The following CHKA variants were observed in gnomAD, a reference collection of about 807,000 sequenced individuals.
CHKA encodes the protein CHETK-alpha.
In CHKA, 34 loss-of-function variants were observed where a neutral mutation model predicts 60.1. The ratio of observed to expected loss-of-function variants is 0.57; its 90% confidence interval spans 0.43 to 0.75. The LOEUF is 0.75. Among genes scored for constraint, CHKA ranks in the 30% least tolerant of loss-of-function variants. CHKA has a pLI of 0.00. For synonymous variants in CHKA, 217 were observed against 223.1 expected, an observed-to-expected ratio of 0.97 and a Z score of 0.24; for missense variants, 563 against 561.3, an observed-to-expected ratio of 1.00 and a Z score of -0.03.
chr11:68,068,806 T>C, intron 7 of CHKA, 73 bp downstream of exon 7: 1 of 999,886 alleles, frequency 1.0e-6, no homozygotes. Flanking sequence ...CCTTACATTT[T>C]TCAGACACAC....
intron 1 of CHKA, among the ~76,000 whole-genome samples, chr11:68,100,379 C>T (rs367656856): frequency 6.6e-6 from 1 of 152,230 alleles, no homozygotes; most frequent in African/African-American, 2.4e-5. Flanking sequence ...CACTTGAGGT[C>T]AGGAGTTCAA....
chr11:68,078,897 C>A (rs1047648805), intron 3 of CHKA, among the ~76,000 whole-genome samples: 19 of 151,404 alleles, frequency 1.3e-4, no homozygotes, highest in African/African-American at 4.1e-4. Context: ...TTCTGAAATT[C>A]AATTCAGGTC....
At position 68,068,815 on chromosome 11, in the gene CHKA, A is replaced by G. The variant is rs989054709; in HGVS notation, c.928+64T>C. The G allele has an allele frequency of 1.0e-4, 110 of 1,098,494 alleles. 5 individuals are homozygous for G. In the Admixed American group the frequency reaches 1.5e-3, roughly 15 times the overall value. 68.0% of individuals were successfully genotyped at this position (1,098,494 alleles called of 1,614,324 possible). A position where few individuals can be genotyped will look rare whatever the true frequency, so the allele number is the denominator to read the frequency against. On this transcript the variant is annotated intron_variant, in intron 7 of 11. Coordinates refer to ENST00000265689, the MANE Select transcript of CHKA (RefSeq NM_001277.3). The stretch of plus-strand genomic sequence containing the variant: ...ATGCTACCTTACATTTTTCAGACAC[A>G]CTGCCAGTAATTTTCTAAGTATGCA...
chr11:68,081,165 T>A (rs905214229), intron 3 of CHKA, among the ~76,000 whole-genome samples: 39 of 152,160 alleles, frequency 2.6e-4, no homozygotes, highest in Admixed American at 2.5e-3. Context: ...GCTGTTTCGA[T>A]TGCCATAAAG....
intron 11 of CHKA, among the ~76,000 whole-genome samples, chr11:68,058,159 T>C (rs1856095916): frequency 6.6e-6 from 1 of 152,254 alleles, no homozygotes; most frequent in Non-Finnish European, 1.5e-5. Context: ...CCCAAAGTGC[T>C]GGATGACTGG....
Position 68,121,129 on chromosome 11 carries a change from C to T in CHKA, c.49G>A (p.Gly17Arg), listed in dbSNP as rs1466759176. ...CCGCTACCGCAGCTCAGCAGCAGCC[C>T]GAGCGGCGAGGGCTCCGCCTCGCCC... ...TGGEAEPSPL[G>R]LLLSCGSGSA... is the part of the protein sequence containing the mutation. Residue 17 changes from glycine (G) to arginine (R), a missense_variant, in exon 1 of 12, where the codon GGG (glycine) becomes AGG (arginine). By Grantham distance (125) the Gly-to-Arg change is moderately radical. Coordinates refer to ENST00000265689, the MANE Select transcript of CHKA (RefSeq NM_001277.3). The T allele has an allele frequency of 1.7e-6, 2 of 1,206,782 alleles. No homozygotes were observed. Among genetic ancestry groups the T allele is most frequent in the Non-Finnish European group, 2.1e-6 (2 of 964,978 alleles). 74.8% of individuals were successfully genotyped at this position (1,206,782 alleles called of 1,614,324 possible).
At chr11:68,077,652 T>A (rs966244898) in intron 3 of CHKA, among the ~76,000 whole-genome samples, 2 of 152,170 alleles carry the variant, frequency 1.3e-5, no homozygotes, top group Non-Finnish European at 2.9e-5. Context: ...ATAAGGCCCC[T>A]GCCCACAACG....
chr11:68,089,847 C>A (rs918649324), intron 2 of CHKA: 2 of 152,148 alleles, frequency 1.3e-5, no homozygotes, highest in African/African-American at 4.8e-5. Flanking sequence ...CACCTGGAAA[C>A]CAGAGTGCTC....
Position 68,053,998 on chromosome 11 carries a change from A to T in CHKA, c.1364T>A (p.Leu455His). The change falls in exon 12 of 12, where the codon CTT (leucine) becomes CAT (histidine). Residue 455 changes from leucine (L) to histidine (H), a missense_variant. Coordinates refer to ENST00000265689, the MANE Select transcript of CHKA (RefSeq NM_001277.3). ...FDAYFHQKRK[L>H]GV ...GAGTCCTCCCCACAGTCACACCCCA[A>T]GCTTCCTCTTCTGGTGGAAATAGGC... is the stretch of plus-strand genomic sequence containing the variant. 6.2e-7 allele frequency: 1 copy of T among 1,613,690 alleles called. No homozygotes were observed. Among genetic ancestry groups the T allele is most frequent in the Non-Finnish European group, 8.5e-7 (1 of 1,179,872 alleles).
intron 1 of CHKA, among the ~76,000 whole-genome samples, chr11:68,119,141 G>C (rs1233564301): frequency 1.3e-5 from 2 of 152,210 alleles, no homozygotes; most frequent in Admixed American, 6.5e-5. Flanking sequence ...CTTGGAGAGA[G>C]CTGAATTTTT....
chr11:68,120,842 G>T lies in CHKA; in HGVS notation c.336C>A (p.His112Gln), dbSNP rs1457578659. Residue 112 changes from histidine (H) to glutamine (Q), a missense_variant, in exon 1 of 12, where the codon CAC (histidine) becomes CAA (glutamine). Physicochemically the swap from His to Gln is conservative, Grantham distance 24 (BLOSUM62 0). Transcript: ENST00000265689. Reference protein sequence around the residue: ...AWRGLREDEFHISVIRGGLSN... With the variant: ...AWRGLREDEFQISVIRGGLSN... ...GCGCCACCGACCTGATGACACTGAT[G>T]TGGAACTCGTCCTCGCGGAGGCCCC... 20 of 1,323,858 alleles carry T rather than the reference G, an allele frequency of 1.5e-5. No individual in the cohort carries two copies. Among genetic ancestry groups the T allele is most frequent in the Non-Finnish European group, 1.9e-5 (19 of 1,019,836 alleles). The allele number at this position is 1,323,858 out of a possible 1,614,324, so 82.0% of individuals were successfully genotyped here. A position where few individuals can be genotyped will look rare whatever the true frequency, so the allele number is the denominator to read the frequency against.
At chr11:68,098,010 G>A (rs1356590277) in intron 1 of CHKA, among the ~76,000 whole-genome samples, 1 of 152,138 alleles carries the variant, frequency 6.6e-6, no homozygotes, top group Non-Finnish European at 1.5e-5. Context: ...AGTGGCTCAT[G>A]CCTGTAATCC....
intron 1 of CHKA, among the ~76,000 whole-genome samples, chr11:68,119,658 T>TG (rs1858529531): frequency 6.6e-6 from 1 of 152,002 alleles, no homozygotes; most frequent in South Asian, 2.1e-4. Flanking sequence ...TTAGTAGATA[T>TG]GGGGTTTCAC....
intron 1 of CHKA, among the ~76,000 whole-genome samples, chr11:68,114,033 C>T (rs1320542600): frequency 2.6e-5 from 4 of 151,998 alleles, no homozygotes; most frequent in East Asian, 1.9e-4. Context: ...GACCATTATA[C>T]GCCTACCAGA....
At position 68,121,293 on chromosome 11, in the gene CHKA, CGCGGCGGTTGGGCGCGCGGGGCG is replaced by C. The variant is rs1858641709; in HGVS notation, c.-139_-117del. 3.4e-6 allele frequency: 3 copies of C among 873,448 alleles called. No individual in the cohort carries two copies. The highest frequency in any genetic ancestry group is 5.2e-5 in the South Asian group (1 of 19,350). The allele number at this position is 873,448 out of a possible 1,614,324, so 54.1% of individuals were successfully genotyped here. On this transcript the variant is annotated 5_prime_UTR_variant, in exon 1 of 12. Coordinates refer to ENST00000265689, the MANE Select transcript of CHKA (RefSeq NM_001277.3). ...CTGGCAGGCCGGCGGGGCAGGGGGC[CGCGGCGGTTGGGCGCGCGGGGCG>C]GCGGCGGCGGCTGCGGCGACTGCGG...
intron 2 of CHKA, among the ~76,000 whole-genome samples, chr11:68,084,311 C>CACATATACGTATATAT (rs1857088674): frequency 3.7e-5 from 5 of 135,956 alleles, no homozygotes; most frequent in Admixed American, 2.2e-4. Context: ...TGTGTATATA[C>CACATATACGTATATAT]ATGTGTATAT....
intron 11 of CHKA, among the ~76,000 whole-genome samples, chr11:68,060,891 A>C (rs1225459766): frequency 6.6e-6 from 1 of 152,112 alleles, no homozygotes; most frequent in African/African-American, 2.4e-5. Context: ...CCTTCTGCCT[A>C]GAAGTAGAAA....
At chr11:68,094,954 G>C (rs1051844106) in intron 2 of CHKA, among the ~76,000 whole-genome samples, 2 of 151,982 alleles carry the variant, frequency 1.3e-5, no homozygotes, top group Non-Finnish European at 2.9e-5. Context: ...CTGCCAATTT[G>C]AACTTTAATA....
chr11:68,098,786 C>T (rs1428874546), intron 1 of CHKA, among the ~76,000 whole-genome samples: 1 of 152,072 alleles, frequency 6.6e-6, no homozygotes, highest in African/African-American at 2.4e-5. Context: ...CTCCACCACC[C>T]AGGTTCAAGC....
Sources: allele counts gnomAD v4.1 joint callset (sites outside exome capture counted in the v4.1 genomes callset), GRCh38; gene constraint gnomAD v4.1.1; transcripts MANE v1.5; gene names NCBI Gene and HGNC (gene_info 2026-07-23, HGNC 2026-07-21).